LRRC4C: variants seen among roughly 807,000 people sequenced by gnomAD.
The protein encoded by LRRC4C is leucine rich repeat containing 4C, also known as leucine-rich repeat-containing protein 4C.
LRRC4C carries 5 observed loss-of-function variants against 33.6 expected under a neutral mutation model. The ratio of observed to expected loss-of-function variants is 0.15; its 90% CI spans 0.08 to 0.31. The LOEUF (loss-of-function observed/expected upper bound fraction) is 0.31. LRRC4C is among the 10% of genes least tolerant of loss of function. The probability of loss-of-function intolerance (pLI) is 1.00; values close to 1 mark genes in which losing one functional copy is unlikely to be tolerated. For missense variants in LRRC4C, 560 were observed against 796.7 expected, an observed-to-expected ratio of 0.70 and a Z score of 3.58; for synonymous variants, 329 against 302.0, an observed-to-expected ratio of 1.09 and a Z score of -0.93.
In LRRC4C at chr11:40,800,728, GATC is replaced by G. The variant is rs576576940; in HGVS notation, c.-407+132904_-407+132906del. 7.6e-4 allele frequency among the ~76,000 whole-genome samples: 115 copies of G among 152,118 alleles called. 1 individual carries two copies. Among genetic ancestry groups the G allele is most frequent in the African/African-American group, 2.5e-3 (103 of 41,506 alleles). On this transcript the variant is annotated intron_variant, in intron 2 of 6. Transcript: ENST00000528697. Reference sequence around the variant, plus strand: ...GAATGCCACTCTATTTTAATACAAAGATCATCTAGGCAGTGTATTTTCTTCTTC... The same window carrying G: ...GAATGCCACTCTATTTTAATACAAAGATCTAGGCAGTGTATTTTCTTCTTC...
intron 1 of LRRC4C, among the ~76,000 whole-genome samples, chr11:41,428,432 A>C (rs1191112064): frequency 1.3e-5 from 2 of 152,106 alleles, no homozygotes. Context: ...CCATATGGAC[A>C]AAAAAACGTA....
At position 40,422,931 on chromosome 11, in the gene LRRC4C, TTAAA is replaced by T. The variant is rs574847462; in HGVS notation, c.-269-103214_-269-103211del. Among the ~76,000 whole-genome samples the T allele has an allele frequency of 8.8e-3, 1,330 of 151,542 alleles. 11 individuals are homozygous for T. Among genetic ancestry groups the T allele is most frequent in the African/African-American group, 0.017 (682 of 40,906 alleles). The stretch of plus-strand genomic sequence containing the variant: ...GAATACAGCATGATTAAAAATTAAA[TTAAA>T]TAAATTTAAATTAAATAAATAGTGT... On this transcript the variant is annotated intron_variant, in intron 3 of 6. Transcript: ENST00000528697.
chr11:40,537,897 C>T (rs1484646258), intron 3 of LRRC4C, among the ~76,000 whole-genome samples: 1 of 152,080 alleles, frequency 6.6e-6, no homozygotes, highest in Non-Finnish European at 1.5e-5. Context: ...GCCCTGTCTA[C>T]TCAGCTGCAG....
chr11:41,140,079 G>T (rs977815482), intron 1 of LRRC4C, among the ~76,000 whole-genome samples: 2 of 152,132 alleles, frequency 1.3e-5, no homozygotes, highest in African/African-American at 4.8e-5. Flanking sequence ...GTGATGCCAG[G>T]CATATTGTTT....
intron 2 of LRRC4C, among the ~76,000 whole-genome samples, chr11:40,715,515 A>G (rs1946660693): frequency 6.6e-6 from 1 of 152,186 alleles, no homozygotes. Flanking sequence ...GTACCTACCT[A>G]CGTATGATGT....
intron 1 of LRRC4C, among the ~76,000 whole-genome samples, chr11:41,154,674 T>C (rs1386725643): frequency 6.6e-6 from 1 of 152,148 alleles, no homozygotes; most frequent in African/African-American, 2.4e-5. Context: ...AAAAACTGTA[T>C]GCATTACAGA....
chr11:40,334,602 C>G (rs893354965), intron 3 of LRRC4C, among the ~76,000 whole-genome samples: 4 of 152,060 alleles, frequency 2.6e-5, no homozygotes, highest in African/African-American at 9.7e-5. Flanking sequence ...CATTAATGAA[C>G]AAAGAATACT....
intron 3 of LRRC4C, among the ~76,000 whole-genome samples, chr11:40,540,716 T>A (rs1956674229): frequency 6.6e-6 from 1 of 152,160 alleles, no homozygotes; most frequent in South Asian, 2.1e-4. Flanking sequence ...TACCCCACAT[T>A]TGAGCTTCTA....
chr11:41,031,213 A>G (rs2137820081), intron 1 of LRRC4C, among the ~76,000 whole-genome samples: 1 of 152,048 alleles, frequency 6.6e-6, no homozygotes, highest in East Asian at 1.9e-4. Flanking sequence ...AGGTTGAGCA[A>G]TGGCCCACAG....
intron 1 of LRRC4C, among the ~76,000 whole-genome samples, chr11:41,211,940 C>A (rs1415464258): frequency 6.6e-6 from 1 of 152,222 alleles, no homozygotes; most frequent in African/African-American, 2.4e-5. Context: ...AGTTTACAGT[C>A]CCACCAACAG....
At chr11:40,454,656 T>C (rs10837417) in intron 3 of LRRC4C, among the ~76,000 whole-genome samples, 53,970 of 151,770 alleles carry the variant, frequency 0.36, 10,091 homozygotes, top group East Asian at 0.52. Flanking sequence ...AACACAGCTA[T>C]GTTAAAATAC....
intron 2 of LRRC4C, among the ~76,000 whole-genome samples, chr11:40,665,870 T>C (rs1444281263): frequency 6.6e-6 from 1 of 152,020 alleles, no homozygotes; most frequent in African/African-American, 2.4e-5. Context: ...CTATAAGAAA[T>C]AGAATTTAAT....
chr11:41,165,121 G>A lies in LRRC4C; in HGVS notation c.-495-231398C>T, dbSNP rs542288701. On this transcript the variant is annotated intron_variant, in intron 1 of 6. Transcript: ENST00000528697. ...CTTTATTGGATCACCAATAAATAGC[G>A]CGGGTTCCCAGAGCCTGGGACCTTC... Among the ~76,000 whole-genome samples the A allele has an allele frequency of 2.3e-4, 35 of 152,142 alleles. No homozygotes were observed. The South Asian group carries it at 4.8e-3, about 21-fold the overall frequency.
intron 1 of LRRC4C, among the ~76,000 whole-genome samples, chr11:41,348,569 T>A (rs1951872407): frequency 6.6e-6 from 1 of 151,756 alleles, no homozygotes; most frequent in South Asian, 2.1e-4. Flanking sequence ...GCCGACTAGA[T>A]ACAGCCAGGA....
chr11:41,274,851 G>A (rs557609175), intron 1 of LRRC4C, among the ~76,000 whole-genome samples: 16 of 152,188 alleles, frequency 1.1e-4, no homozygotes, highest in South Asian at 1.0e-3. Context: ...CGAACCCACC[G>A]GAAGGAACAA....
At position 40,762,813 on chromosome 11, in the gene LRRC4C, C is replaced by T. The variant is rs117678029; in HGVS notation, c.-406-114535G>A. On this transcript the variant is annotated intron_variant, in intron 2 of 6. Transcript: ENST00000528697. Reference sequence around the variant, plus strand: ...TTTATTAGGTTTGTTTTGTCTCCTGCCTCCTCTCATTGTTGAAGCTTCTAC... The same window carrying T: ...TTTATTAGGTTTGTTTTGTCTCCTGTCTCCTCTCATTGTTGAAGCTTCTAC... Among the ~76,000 whole-genome samples, 398 of 151,468 alleles carry T rather than the reference C, an allele frequency of 2.6e-3. 2 individuals are homozygous for T. Among genetic ancestry groups the T allele is most frequent in the Middle Eastern group, 0.01 (3 of 294 alleles).
intron 2 of LRRC4C, among the ~76,000 whole-genome samples, chr11:40,758,492 G>T (rs1949048768): frequency 6.6e-6 from 1 of 151,998 alleles, no homozygotes; most frequent in African/African-American, 2.4e-5. Context: ...AGGGCCAAAG[G>T]AGCTCAAAGA....
At chr11:40,309,486 C>A (rs1261173942) in intron 4 of LRRC4C, among the ~76,000 whole-genome samples, 1 of 150,170 alleles carries the variant, frequency 6.7e-6, no homozygotes, top group East Asian at 2.0e-4. Context: ...TTTGAGTGAA[C>A]ACGACAGAGA....
rs570480277 is a variant in LRRC4C, at chr11:41,340,763, A to G, written c.-496+118668T>C. On this transcript the variant is annotated intron_variant, in intron 1 of 6. Coordinates refer to ENST00000528697, the MANE Select transcript of LRRC4C (RefSeq NM_001258419.2). ...AGCTTATAGCATTGTTGTGGAGATT[A>G]AATGAGAAAATTTAAGTGTTATAAG... Among the ~76,000 whole-genome samples, 5 of 152,352 alleles carry G rather than the reference A, an allele frequency of 3.3e-5. No homozygotes were observed. The South Asian group carries it at 8.3e-4, about 25-fold the overall frequency.
Sources: gnomAD v4.1 joint callset for allele counts (sites outside exome capture counted in the v4.1 genomes callset) on GRCh38, gnomAD v4.1.1 for gene constraint, MANE v1.5 for transcripts, NCBI Gene and HGNC (gene_info 2026-07-23, HGNC 2026-07-21) for gene names.